Variants in ERCC3 observed in about 807,000 individuals in gnomAD.
ERCC3 encodes the protein ERCC excision repair 3, TFIIH core complex helicase subunit.
ERCC3 carries 66 observed loss-of-function variants against 94.2 expected under a neutral mutation model. The ratio of observed to expected loss-of-function variants is 0.70; its 90% confidence interval spans 0.57 to 0.86. The LOEUF (loss-of-function observed/expected upper bound fraction) is 0.86, where lower values mean the gene tolerates loss of function less well. ERCC3 is among the 40% of genes least tolerant of loss of function. The pLI is 0.00. For synonymous variants in ERCC3, 349 were observed against 369.1 expected (o/e 0.95, Z 0.63); for missense variants, 829 against 987.1 (o/e 0.84, Z 2.15).
At position 127,290,211 on chromosome 2, in the gene ERCC3, T is replaced by C. The variant is rs1685221354; in HGVS notation, c.521+13A>G. 2.5e-6 allele frequency: 4 copies of C among 1,611,922 alleles called. No homozygotes were observed. The highest frequency in any genetic ancestry group is 2.5e-6 in the Non-Finnish European group (3 of 1,178,044). On this transcript the variant is annotated intron_variant, in intron 4 of 14. Coordinates refer to ENST00000285398, the MANE Select transcript of ERCC3 (RefSeq NM_000122.2). ...ACAGTGCCTTGGGACAGGCCTGTCA[T>C]GGAATCTCTTACCTGTTGTGCTTCA...
chr2:127,292,725 G>A lies in ERCC3; in HGVS notation c.356C>T (p.Thr119Ile). Residue 119 changes from threonine to isoleucine, a missense_variant, in exon 3 of 15, where the codon ACT (threonine) becomes ATT (isoleucine). Thr to Ile is a moderately conservative substitution (Grantham distance 89). Coordinates refer to ENST00000285398, the MANE Select transcript of ERCC3 (RefSeq NM_000122.2). ...RPTHVHEYKL[T>I]AYSLYAAVSV... ...GACAGCTGCATACAAGGAGTAGGCAGTTAGTTTGTACTCATGCACATGGGT... is the reference window on the plus strand; with the variant it reads ...GACAGCTGCATACAAGGAGTAGGCAATTAGTTTGTACTCATGCACATGGGT... 2 of 1,614,134 alleles carry A rather than the reference G, an allele frequency of 1.2e-6. No individual in the cohort carries two copies. The highest frequency in any genetic ancestry group is 1.3e-5 in the African/African-American group (1 of 75,052).
At chr2:127,285,720 A>G (rs1359060333) in intron 8 of ERCC3, among the ~76,000 whole-genome samples, 1 of 151,676 alleles carries the variant, frequency 6.6e-6, no homozygotes, top group African/African-American at 2.4e-5. Flanking sequence ...GTGTGGTAGT[A>G]CACACCTGTA....
chr2:127,274,080 G>C lies in ERCC3; in HGVS notation c.1731-1119C>G, dbSNP rs1684656039. ...TGTAATCCCAGCACTTTGGGAGGCG[G>C]AGGTGGGTGGATCACCTGAGGCCAG... On this transcript the variant is annotated intron_variant, in intron 10 of 14. Transcript: ENST00000285398. The surrounding 1 kb of genome is among the most constrained non-coding windows in gnomAD (Gnocchi z 4.0). Among the ~76,000 whole-genome samples the C allele has an allele frequency of 6.6e-6, 1 of 151,666 alleles. No individual in the cohort carries two copies. The highest frequency in any genetic ancestry group is 6.6e-5 in the Admixed American group (1 of 15,202).
chr2:127,280,046 C>T lies in ERCC3; in HGVS notation c.1527+401G>A, dbSNP rs886548443. Among the ~76,000 whole-genome samples the T allele has an allele frequency of 3.9e-5, 6 of 152,172 alleles. 1 individual carries two copies. Among genetic ancestry groups the T allele is most frequent in the Admixed American group, 2.6e-4 (4 of 15,278 alleles). On this transcript the variant is annotated intron_variant, in intron 9 of 14. Coordinates refer to ENST00000285398, the MANE Select transcript of ERCC3 (RefSeq NM_000122.2). This position sits in a 1 kb window ranked among gnomAD's most constrained non-coding sequence, Gnocchi z 6.3. Reference sequence around the variant, plus strand: ...GTACCGCCACCTCTTCACACACTTCCCAGCAGGGCTGGGAGCATATCAGTT... The same window carrying T: ...GTACCGCCACCTCTTCACACACTTCTCAGCAGGGCTGGGAGCATATCAGTT...
intron 12 of ERCC3, among the ~76,000 whole-genome samples, chr2:127,269,820 G>A (rs1028035339): frequency 5.3e-5 from 8 of 151,724 alleles, no homozygotes; most frequent in Non-Finnish European, 1.0e-4. Context: ...CACTAGAGAC[G>A]AGCCTGGCCA....
Position 127,279,229 on chromosome 2 carries a change from AATCTTGTCATTCCTCCTTTC to A in ERCC3, c.1654_1673del (p.Glu552TyrfsTer5). 6.2e-7 allele frequency: 1 copy of A among 1,613,890 alleles called. No homozygotes were observed. Among genetic ancestry groups the A allele is most frequent in the Admixed American group, 1.7e-5 (1 of 60,030 alleles). On this transcript the variant is annotated frameshift_variant, in exon 10 of 15. Transcript: ENST00000285398. LOFTEE classifies it high-confidence loss of function. The surrounding 1 kb of genome is among the most constrained non-coding windows in gnomAD (Gnocchi z 4.7). ...CAAACACATTGTCAGCAAAGACAATAATCTTGTCATTCCTCCTTTCATGAAACTTGATCAGAAACTGGCAA... is the reference window on the plus strand; with the variant it reads ...CAAACACATTGTCAGCAAAGACAATAATGAAACTTGATCAGAAACTGGCAA...
At chr2:127,289,884 C>T in intron 4 of ERCC3, 60 bp from the exon 5 acceptor site, 4 of 1,575,882 alleles carry the variant, frequency 2.5e-6, no homozygotes, top group South Asian at 1.1e-5. Context: ...GGAGATTCCA[C>T]TGCTCATTCA....
At chr2:127,292,011 G>C (rs1032925749) in intron 3 of ERCC3, 1 of 177,092 alleles carries the variant, frequency 5.6e-6, no homozygotes, top group Non-Finnish European at 1.2e-5. Flanking sequence ...GAAAGTCTAT[G>C]ATCAAGGTAT....
chr2:127,289,014 G>A lies in ERCC3; in HGVS notation c.823-150C>T, dbSNP rs1392830246. On this transcript the variant is annotated intron_variant, in intron 6 of 14. Transcript: ENST00000285398. The stretch of plus-strand genomic sequence containing the variant: ...TTGCTCAGTCAACAACCGGGATAAA[G>A]CACAGAAAAGCAACCCAGACTAACA... 9.1e-6 allele frequency: 7 copies of A among 771,168 alleles called. No homozygotes were observed. The Admixed American group carries it at 1.4e-4, about 16-fold the overall frequency. 47.8% of individuals were successfully genotyped at this position (771,168 alleles called of 1,614,324 possible). A position where few individuals can be genotyped will look rare whatever the true frequency, so the allele number is the denominator to read the frequency against.
chr2:127,288,568 G>A (rs1168176894), intron 7 of ERCC3, 92 bp downstream of exon 7: 1 of 1,115,366 alleles, frequency 9.0e-7, no homozygotes, highest in African/African-American at 1.5e-5. Flanking sequence ...AGCAAGGTGT[G>A]ATTTAGGGAA....
rs1443807623 is a variant in ERCC3 at position 127,288,754 on chromosome 2, C to T, written c.933G>A (p.Lys311=). 1 of 1,613,996 alleles carries T rather than the reference C, an allele frequency of 6.2e-7. No individual in the cohort carries two copies. Among genetic ancestry groups the T allele is most frequent in the African/African-American group, 1.3e-5 (1 of 74,898 alleles). ...GATAGGGTCTGAGGACAGCTGTGGG[C>T]TTTAGGTCAATGTTGATATCAGGGT... ...SVNPDINIDL[K]PTAVLRPYQE... Residue 311 remains lysine, a synonymous_variant, in exon 7 of 15, where the codon AAG becomes AAA. Coordinates refer to ENST00000285398, the MANE Select transcript of ERCC3 (RefSeq NM_000122.2).
rs1684066046 is a variant in ERCC3, at chr2:127,257,811, TATAAG to T, written c.2218-89_2218-85del. ...TAATACTTATAATCACAGCAAATTT[TATAAG>T]ACTTACATAAATTTAATACATCATT... On this transcript the variant is annotated intron_variant, in intron 14 of 14. Transcript: ENST00000285398. This position sits in a 1 kb window ranked among gnomAD's most constrained non-coding sequence, Gnocchi z 5.4. The T allele has an allele frequency of 1.0e-5, 15 of 1,434,372 alleles. No homozygotes were observed. The highest frequency in any genetic ancestry group is 1.5e-5 in the Non-Finnish European group (15 of 1,024,586). 88.9% of individuals were successfully genotyped at this position (1,434,372 alleles called of 1,614,324 possible).
rs1480492228 is a variant in ERCC3, at chr2:127,284,664, T to C, written c.1342+2039A>G. 6.6e-6 allele frequency among the ~76,000 whole-genome samples: 1 copy of C among 152,034 alleles called. No individual in the cohort carries two copies. Among genetic ancestry groups the C allele is most frequent in the Non-Finnish European group, 1.5e-5 (1 of 68,032 alleles). On this transcript the variant is annotated intron_variant, in intron 8 of 14. Coordinates refer to ENST00000285398, the MANE Select transcript of ERCC3 (RefSeq NM_000122.2). This position sits in a 1 kb window ranked among gnomAD's most constrained non-coding sequence, Gnocchi z 4.1. ...TAGTAACCTCTATTAGACTCCTTAA[T>C]TTACCCTAATCTGTTCATCTTTATT...
In ERCC3 at chr2:127,288,576, G is replaced by A. The variant is rs111739456; in HGVS notation, c.1027+84C>T. Reference sequence around the variant, plus strand: ...GCTTTTCAGCAAGGTGTGATTTAGGGAAATGTGCAGAGAGAAAGCGGGAGG... The same window carrying A: ...GCTTTTCAGCAAGGTGTGATTTAGGAAAATGTGCAGAGAGAAAGCGGGAGG... On this transcript the variant is annotated intron_variant, in intron 7 of 14. Transcript: ENST00000285398. 3.9e-5 allele frequency: 46 copies of A among 1,175,670 alleles called. No homozygotes were observed. The African/African-American group carries it at 5.7e-4, about 15-fold the overall frequency. The allele number at this position is 1,175,670 out of a possible 1,614,324, so 72.8% of individuals were successfully genotyped here. A position where few individuals can be genotyped will look rare whatever the true frequency, so the allele number is the denominator to read the frequency against.
rs2104737449 is a variant in ERCC3, at chr2:127,264,785, A to AT, written c.1946-3440dup. Among the ~76,000 whole-genome samples the AT allele has an allele frequency of 6.6e-6, 1 of 151,550 alleles. No individual in the cohort carries two copies. Among genetic ancestry groups the AT allele is most frequent in the Non-Finnish European group, 1.5e-5 (1 of 67,954 alleles). On this transcript the variant is annotated intron_variant, in intron 12 of 14. Coordinates refer to ENST00000285398, the MANE Select transcript of ERCC3 (RefSeq NM_000122.2). This position sits in a 1 kb window ranked among gnomAD's most constrained non-coding sequence, Gnocchi z 4.4. Reference sequence around the variant, plus strand: ...GTTAGGAAGAAGTCTCTCCTCCTCAATTTTTTTGAATAGTTTCAGTAGAAC... The same window carrying AT: ...GTTAGGAAGAAGTCTCTCCTCCTCAATTTTTTTTGAATAGTTTCAGTAGAAC...
chr2:127,272,755 CAGG>C (rs946226302), intron 11 of ERCC3, 107 bp downstream of exon 11: 8 of 761,574 alleles, frequency 1.1e-5, no homozygotes, highest in East Asian at 2.6e-5. Flanking sequence ...TGAAAACATG[CAGG>C]AGAAGTTCCT....
chr2:127,280,646 G>A lies in ERCC3; in HGVS notation c.1343-15C>T. 2 of 1,608,296 alleles carry A rather than the reference G, an allele frequency of 1.2e-6. No homozygotes were observed. Among genetic ancestry groups the A allele is most frequent in the South Asian group, 1.1e-5 (1 of 90,956 alleles). ...GAACATCTTGGCTGAGGAAACAATG[G>A]GAGCATTCACACTGTCACTTTTCTT... On this transcript the variant is annotated splice_polypyrimidine_tract_variant and intron_variant, in intron 8 of 14. Coordinates refer to ENST00000285398, the MANE Select transcript of ERCC3 (RefSeq NM_000122.2). The surrounding 1 kb of genome is among the most constrained non-coding windows in gnomAD (Gnocchi z 6.3).
intron 11 of ERCC3, among the ~76,000 whole-genome samples, chr2:127,272,113 G>A (rs1194406713): frequency 1.4e-5 from 2 of 144,570 alleles, no homozygotes; most frequent in Non-Finnish European, 3.0e-5. Flanking sequence ...TCCACCTCCC[G>A]GGTTCAAGTG....
chr2:127,289,801 G>C lies in ERCC3; in HGVS notation c.545C>G (p.Pro182Arg), dbSNP rs1409899714. Residue 182 changes from proline (P) to arginine (R), a missense_variant, in exon 5 of 15, where the codon CCT (proline) becomes CGT (arginine). Physicochemically the swap from Pro to Arg is moderately radical, Grantham distance 103. Coordinates refer to ENST00000285398, the MANE Select transcript of ERCC3 (RefSeq NM_000122.2). ...CTGGAGAAGATGCTGGATTACATCA[G>C]GGTGGCAACTTTCAACGAAGTATCT... The part of the protein sequence containing the change: ...HNRYFVESCH[P>R]DVIQHLLQDP... 6.2e-7 allele frequency: 1 copy of C among 1,614,038 alleles called. No individual in the cohort carries two copies. Among genetic ancestry groups the C allele is most frequent in the Non-Finnish European group, 8.5e-7 (1 of 1,180,032 alleles).
Sources: gnomAD v4.1 joint callset for allele counts (sites outside exome capture counted in the v4.1 genomes callset) on GRCh38, gnomAD v4.1.1 for gene constraint, Gnocchi (gnomAD v3.1) non-coding constraint, MANE v1.5 for transcripts, NCBI Gene and HGNC (gene_info 2026-07-23, HGNC 2026-07-21) for gene names.